Variants in RPS6KA5 observed in about 807,000 individuals in gnomAD.
The protein encoded by RPS6KA5 is ribosomal protein S6 kinase alpha-5.
A neutral mutation model predicts 85.5 loss-of-function variants in RPS6KA5; 27 were observed. The observed-to-expected ratio is 0.32, with a 90% CI of 0.23 to 0.44. The LOEUF (loss-of-function observed/expected upper bound fraction) is 0.44, where lower values mean the gene tolerates loss of function less well. Among genes scored for constraint, RPS6KA5 ranks in the 20% least tolerant of loss-of-function variants. The pLI, the probability that RPS6KA5 is intolerant of heterozygous loss-of-function variation, is 1.00. For missense variants in RPS6KA5, 811 were observed against 980.9 expected (o/e 0.83, Z 2.31); for synonymous variants, 334 against 348.2 (o/e 0.96, Z 0.46).
At chr14:91,052,189 T>G (rs1341243767) in intron 1 of RPS6KA5, 1 of 307,274 alleles carries the variant, frequency 3.3e-6, no homozygotes, top group East Asian at 1.1e-4. Context: ...GGCTCATGCC[T>G]GTAATCCCAG....
chr14:90,994,720 C>T (rs865892187), intron 2 of RPS6KA5, among the ~76,000 whole-genome samples: 5 of 151,540 alleles, frequency 3.3e-5, no homozygotes, highest in East Asian at 1.9e-4. Context: ...TACAGGTGCC[C>T]GCCACCATGC....
rs1038373798 is a variant in RPS6KA5, at chr14:90,867,117, T to A, written c.*4957A>T. 4 of 152,184 alleles carry A rather than the reference T, an allele frequency of 2.6e-5. No homozygotes were observed. The highest frequency in any genetic ancestry group is 5.9e-5 in the Non-Finnish European group (4 of 68,038). 9.4% of individuals were successfully genotyped at this position (152,184 alleles called of 1,614,324 possible). A position where few individuals can be genotyped will look rare whatever the true frequency, so the allele number is the denominator to read the frequency against. On this transcript the variant is annotated 3_prime_UTR_variant, in exon 17 of 17. Coordinates refer to ENST00000614987, the MANE Select transcript of RPS6KA5 (RefSeq NM_004755.4). ...TGTCAAGTTCCTCAACCTTACTGGATTTTAAAACAAAGCAAACAAAAGAAA... is the reference window on the plus strand; with the variant it reads ...TGTCAAGTTCCTCAACCTTACTGGAATTTAAAACAAAGCAAACAAAAGAAA...
At chr14:90,997,697 GA>G (rs1269429650) in intron 2 of RPS6KA5, among the ~76,000 whole-genome samples, 3 of 152,094 alleles carry the variant, frequency 2.0e-5, no homozygotes, top group Non-Finnish European at 4.4e-5. Flanking sequence ...TCTGTACAAT[GA>G]AACAGTAAGT....
At position 90,867,558 on chromosome 14, in the gene RPS6KA5, CA is replaced by C. The variant is rs1416771517; in HGVS notation, c.*4515del. ...TATATTAATAGTTAGAATACTACTA[CA>C]AAATGTCCTTCTACCTCTCCCACAA... On this transcript the variant is annotated 3_prime_UTR_variant, in exon 17 of 17. Transcript: ENST00000614987. 1 of 152,150 alleles carries C rather than the reference CA, an allele frequency of 6.6e-6. No individual in the cohort carries two copies. Among genetic ancestry groups the C allele is most frequent in the Non-Finnish European group, 1.5e-5 (1 of 68,010 alleles). The allele number at this position is 152,150 out of a possible 1,614,324, so 9.4% of individuals were successfully genotyped here.
At chr14:90,969,443 T>C (rs1046946807) in intron 3 of RPS6KA5, among the ~76,000 whole-genome samples, 1 of 152,216 alleles carries the variant, frequency 6.6e-6, no homozygotes, top group Non-Finnish European at 1.5e-5. Flanking sequence ...CACAGAGACA[T>C]TGGGTTACAT....
chr14:90,915,237 T>C (rs1048363311), intron 7 of RPS6KA5, among the ~76,000 whole-genome samples: 1 of 152,206 alleles, frequency 6.6e-6, no homozygotes, highest in Non-Finnish European at 1.5e-5. Flanking sequence ...AGGCAGACTT[T>C]GAAGATGGCC....
intron 5 of RPS6KA5, among the ~76,000 whole-genome samples, chr14:90,928,167 C>G (rs2036783978): frequency 6.6e-6 from 1 of 151,780 alleles, no homozygotes; most frequent in Non-Finnish European, 1.5e-5. Flanking sequence ...GATTCGCCCG[C>G]CTCAGACTCT....
At chr14:91,034,200 G>T (rs1302652270) in intron 1 of RPS6KA5, among the ~76,000 whole-genome samples, 1 of 151,808 alleles carries the variant, frequency 6.6e-6, no homozygotes, top group African/African-American at 2.4e-5. Context: ...AGCTACTTGG[G>T]AGGCTGAGGC....
At chr14:90,936,905 A>C (rs1377288170) in intron 5 of RPS6KA5, among the ~76,000 whole-genome samples, 1 of 152,180 alleles carries the variant, frequency 6.6e-6, no homozygotes, top group Non-Finnish European at 1.5e-5. Context: ...TTCTGTTTTG[A>C]AAATGTTCAG....
At chr14:91,047,430 G>A (rs989191823) in intron 1 of RPS6KA5, among the ~76,000 whole-genome samples, 1 of 152,188 alleles carries the variant, frequency 6.6e-6, no homozygotes, top group Non-Finnish European at 1.5e-5. Flanking sequence ...GCTAGCCTTG[G>A]TGCTAAGATC....
At chr14:90,879,742 C>T (rs1258217928) in intron 14 of RPS6KA5, among the ~76,000 whole-genome samples, 8 of 151,722 alleles carry the variant, frequency 5.3e-5, no homozygotes, top group African/African-American at 9.7e-5. Flanking sequence ...TTTCGCTTTC[C>T]GGGGAACACA....
In RPS6KA5 at chr14:90,983,817, G is replaced by GTC. The variant is rs531667852; in HGVS notation, c.176-5295_176-5294dup. Among the ~76,000 whole-genome samples the GTC allele has an allele frequency of 1.8e-3, 196 of 111,016 alleles. 1 individual carries two copies. Among genetic ancestry groups the GTC allele is most frequent in the Admixed American group, 3.4e-3 (35 of 10,240 alleles). 72.8% of individuals were successfully genotyped at this position (111,016 alleles called of 152,430 possible). A position where few individuals can be genotyped will look rare whatever the true frequency, so the allele number is the denominator to read the frequency against. The stretch of plus-strand genomic sequence containing the variant: ...TCTCTCTCTCTCTCTCTCTCTCTCT[G>GTC]TCTCTCTCTCTCTCTCTCTCTCTTT... On this transcript the variant is annotated intron_variant, in intron 2 of 16. Transcript: ENST00000614987.
intron 2 of RPS6KA5, among the ~76,000 whole-genome samples, chr14:90,987,320 A>C (rs1223146332): frequency 2.0e-5 from 3 of 152,056 alleles, no homozygotes; most frequent in Non-Finnish European, 1.5e-5. Context: ...TTTTTAAAAC[A>C]CTCTTTTAAA....
intron 1 of RPS6KA5, among the ~76,000 whole-genome samples, chr14:91,028,510 C>T (rs2042068110): frequency 6.6e-6 from 1 of 151,966 alleles, no homozygotes; most frequent in Non-Finnish European, 1.5e-5. Context: ...GCCACCATGC[C>T]CAGCCTTAAA....
Position 90,910,486 on chromosome 14 carries a change from T to A in RPS6KA5, c.807-4187A>T, listed in dbSNP as rs189613041. On this transcript the variant is annotated intron_variant, in intron 7 of 16. Coordinates refer to ENST00000614987, the MANE Select transcript of RPS6KA5 (RefSeq NM_004755.4). ...AATTTAGGTAGTGAGTGTGTGAGTG[T>A]CCACTGTAACAAATGTTTGAAAACT... Among the ~76,000 whole-genome samples the A allele has an allele frequency of 2.9e-3, 439 of 151,656 alleles. 4 individuals carry two copies. The highest frequency in any genetic ancestry group is 4.8e-3 in the Non-Finnish European group (326 of 68,010).
At chr14:91,052,556 G>A in intron 1 of RPS6KA5, 1 of 201,498 alleles carries the variant, frequency 5.0e-6, no homozygotes, top group South Asian at 6.3e-5. Context: ...CAAGCGCGGT[G>A]GCTCAAGCCT....
intron 1 of RPS6KA5, among the ~76,000 whole-genome samples, chr14:91,043,802 C>A (rs1222333229): frequency 1.3e-5 from 2 of 152,178 alleles, no homozygotes; most frequent in African/African-American, 2.4e-5. Flanking sequence ...TCTTAGATGA[C>A]CCCAATGACC....
chr14:90,942,434 T>A (rs1235718825), intron 5 of RPS6KA5, among the ~76,000 whole-genome samples: 2 of 152,218 alleles, frequency 1.3e-5, no homozygotes, highest in Non-Finnish European at 2.9e-5. Flanking sequence ...TAACTTCTAT[T>A]ACAACCATTA....
At chr14:91,010,894 C>G (rs1328312532) in intron 1 of RPS6KA5, among the ~76,000 whole-genome samples, 1 of 152,062 alleles carries the variant, frequency 6.6e-6, no homozygotes, top group African/African-American at 2.4e-5. Flanking sequence ...AATTCAAGAA[C>G]AGAGAGAAGG....
Sources: allele counts gnomAD v4.1 joint callset (sites outside exome capture counted in the v4.1 genomes callset), GRCh38; gene constraint gnomAD v4.1.1; transcripts MANE v1.5; gene names NCBI Gene and HGNC (gene_info 2026-07-23, HGNC 2026-07-21).